Variants in WWC1 observed in about 807,000 individuals in gnomAD.
WWC1 encodes protein KIBRA.
WWC1 carries 55 observed loss-of-function variants against 138.4 expected under a neutral mutation model. The observed-to-expected ratio is 0.40, with a 90% CI of 0.32 to 0.50. The LOEUF (loss-of-function observed/expected upper bound fraction) is 0.50, where lower values mean the gene tolerates loss of function less well. WWC1 is among the 20% of genes least tolerant of loss of function. The probability of loss-of-function intolerance (pLI) is 0.72; values close to 1 mark genes in which losing one functional copy is unlikely to be tolerated. For synonymous variants in WWC1, 524 were observed against 564.9 expected (o/e 0.93, Z 1.03); for missense variants, 1,226 against 1,420.4 (o/e 0.86, Z 2.20).
chr5:168,317,435 C>A (rs1474705777), intron 1 of WWC1, among the ~76,000 whole-genome samples: 3 of 152,118 alleles, frequency 2.0e-5, no homozygotes, highest in African/African-American at 7.2e-5. Context: ...AGATCCTGCT[C>A]TGTTGGACAG....
At chr5:168,381,756 C>CT (rs566178060) in intron 2 of WWC1, among the ~76,000 whole-genome samples, 3,109 of 114,264 alleles carry the variant, frequency 0.027, 57 homozygotes, top group East Asian at 0.051. Context: ...GGGGTTCAGG[C>CT]TTTTTTTTTT....
chr5:168,295,884 G>A (rs768983245), intron 1 of WWC1, among the ~76,000 whole-genome samples: 5 of 152,280 alleles, frequency 3.3e-5, no homozygotes, highest in Non-Finnish European at 5.9e-5. Flanking sequence ...CCCAACAACC[G>A]GAGAGGGTCC....
At chr5:168,437,239 C>A (rs1051464871) in intron 15 of WWC1, among the ~76,000 whole-genome samples, 1 of 152,148 alleles carries the variant, frequency 6.6e-6, no homozygotes, top group African/African-American at 2.4e-5. Context: ...ACCCTCTCTG[C>A]TGTCTTATCC....
intron 1 of WWC1, among the ~76,000 whole-genome samples, chr5:168,355,176 G>T (rs765334982): frequency 6.6e-6 from 1 of 152,158 alleles, no homozygotes; most frequent in Non-Finnish European, 1.5e-5. Flanking sequence ...ACTCAGTCAG[G>T]CCTGCCCAGG....
chr5:168,387,950 T>A (rs1206075418), intron 3 of WWC1, among the ~76,000 whole-genome samples: 3 of 152,098 alleles, frequency 2.0e-5, no homozygotes, highest in Non-Finnish European at 2.9e-5. Flanking sequence ...TGAAAAAGTG[T>A]CAGGTGTATA....
At chr5:168,431,541 G>C in intron 15 of WWC1, 97 bp downstream of exon 15, 1 of 1,353,826 alleles carries the variant, frequency 7.4e-7, no homozygotes, top group Non-Finnish European at 9.8e-7. Flanking sequence ...GGTCTACCCT[G>C]AGCTTCAGGA....
At chr5:168,468,871 C>A in intron 22 of WWC1, 80 bp from the exon 23 acceptor site, 4 of 1,501,008 alleles carry the variant, frequency 2.7e-6, no homozygotes, top group Non-Finnish European at 2.8e-6. Context: ...ACAGCTCCCA[C>A]GACAAAGAAT....
chr5:168,349,607 C>T (rs981574907), intron 1 of WWC1, among the ~76,000 whole-genome samples: 2 of 152,172 alleles, frequency 1.3e-5, no homozygotes, highest in Non-Finnish European at 2.9e-5. Context: ...TAAGTGGCCA[C>T]GTCAAGCTGG....
chr5:168,299,126 G>A (rs992074431), intron 1 of WWC1, among the ~76,000 whole-genome samples: 17 of 152,184 alleles, frequency 1.1e-4, no homozygotes, highest in African/African-American at 4.1e-4. Flanking sequence ...TCACCAACAG[G>A]TGTTGCATCC....
rs139895279 is a variant in WWC1 at position 168,445,929 on chromosome 5, T to C, written c.2525+1344T>C. On this transcript the variant is annotated intron_variant, in intron 17 of 22. Coordinates refer to ENST00000265293, the MANE Select transcript of WWC1 (RefSeq NM_015238.3). ...GGAAAGACAAAAGAGAGCATGCCTG[T>C]GTACCTGTTAACCAAGAAGCATTCC... 7.6e-3 allele frequency among the ~76,000 whole-genome samples: 1,159 copies of C among 152,204 alleles called. 9 individuals are homozygous for C. The highest frequency in any genetic ancestry group is 0.013 in the Non-Finnish European group (878 of 68,014).
chr5:168,414,795 A>T (rs991950423), intron 9 of WWC1: 2 of 698,442 alleles, frequency 2.9e-6, no homozygotes, highest in Non-Finnish European at 4.5e-6. Context: ...GGAATTTTGC[A>T]TGGTGAATCA....
intron 1 of WWC1, among the ~76,000 whole-genome samples, chr5:168,370,230 G>A (rs1776648687): frequency 6.6e-6 from 1 of 152,122 alleles, no homozygotes; most frequent in African/African-American, 2.4e-5. Flanking sequence ...AGCGCCAATT[G>A]TGCTGGACAC....
intron 17 of WWC1, among the ~76,000 whole-genome samples, chr5:168,447,429 T>C (rs1367970906): frequency 6.6e-6 from 1 of 152,236 alleles, no homozygotes; most frequent in Non-Finnish European, 1.5e-5. Flanking sequence ...AAAGCAGCCG[T>C]AGACAGTATG....
chr5:168,457,400 C>G (rs1756434593), intron 19 of WWC1, among the ~76,000 whole-genome samples: 1 of 152,134 alleles, frequency 6.6e-6, no homozygotes, highest in Non-Finnish European at 1.5e-5. Flanking sequence ...TACCAAATTC[C>G]CAACAGAGAC....
At chr5:168,436,869 T>A (rs1252079901) in intron 15 of WWC1, among the ~76,000 whole-genome samples, 1 of 152,160 alleles carries the variant, frequency 6.6e-6, no homozygotes, top group Non-Finnish European at 1.5e-5. Flanking sequence ...TCCTCTTTTT[T>A]CAACAGAGTA....
At chr5:168,297,303 G>A (rs1261618716) in intron 1 of WWC1, among the ~76,000 whole-genome samples, 2 of 152,158 alleles carry the variant, frequency 1.3e-5, no homozygotes, top group African/African-American at 2.4e-5. Context: ...CTTTCTGTTC[G>A]TGAAATCCAG....
chr5:168,357,991 G>C (rs1234232475), intron 1 of WWC1, among the ~76,000 whole-genome samples: 1 of 152,210 alleles, frequency 6.6e-6, no homozygotes, highest in Non-Finnish European at 1.5e-5. Flanking sequence ...AGAGCAGCCT[G>C]CTCACTGTGA....
chr5:168,468,390 G>A (rs894525143), intron 22 of WWC1, among the ~76,000 whole-genome samples: 8 of 151,924 alleles, frequency 5.3e-5, no homozygotes, highest in Admixed American at 4.6e-4. Flanking sequence ...GTGTATTCTC[G>A]GAGGGTCCCG....
At chr5:168,326,216 CTTT>C (rs796347858) in intron 1 of WWC1, among the ~76,000 whole-genome samples, 5 of 113,258 alleles carry the variant, frequency 4.4e-5, no homozygotes, top group Non-Finnish European at 3.5e-5. Context: ...ACCTGATAGT[CTTT>C]TTTTTTTTTT....
Sources: gnomAD v4.1 joint callset for allele counts (sites outside exome capture counted in the v4.1 genomes callset) on GRCh38, gnomAD v4.1.1 for gene constraint, MANE v1.5 for transcripts, NCBI Gene and HGNC (gene_info 2026-07-23, HGNC 2026-07-21) for gene names.